Variants in TK2 observed in about 807,000 individuals in gnomAD.
The protein encoded by TK2 is thymidine kinase 2, mitochondrial.
Under a neutral mutation model 41.9 loss-of-function variants are expected in TK2, and 35 were observed. That is an observed-to-expected ratio of 0.84 (90% confidence interval 0.64 to 1.11). The LOEUF is 1.11. Among genes scored for constraint, TK2 ranks in the 50% least tolerant of loss-of-function variants. TK2 has a pLI of 0.00. For synonymous variants in TK2, 128 were observed against 129.1 expected (o/e 0.99, Z 0.06); for missense variants, 320 against 351.1 (o/e 0.91, Z 0.71).
At chr16:66,530,775 T>C (rs1230480362) in intron 5 of TK2, among the ~76,000 whole-genome samples, 2 of 151,218 alleles carry the variant, frequency 1.3e-5, no homozygotes, top group African/African-American at 4.9e-5. Context: ...TGGAGTGCAG[T>C]GGTATGATCT....
chr16:66,541,427 G>T (rs1376987597), intron 3 of TK2, among the ~76,000 whole-genome samples: 1 of 152,036 alleles, frequency 6.6e-6, no homozygotes, highest in Admixed American at 6.6e-5. Context: ...TTTTTTGTGG[G>T]TTTTTTTCTT....
At chr16:66,516,305 C>T (rs1260969923) in intron 8 of TK2, among the ~76,000 whole-genome samples, 1 of 152,170 alleles carries the variant, frequency 6.6e-6, no homozygotes, top group Non-Finnish European at 1.5e-5. Context: ...TGCATAACTC[C>T]ACTGTGTATG....
At position 66,511,740 on chromosome 16, in the gene TK2, G is replaced by A. The variant is rs908211839; in HGVS notation, c.*228C>T. The A allele has an allele frequency of 2.0e-5, 12 of 599,624 alleles. No individual in the cohort carries two copies. The African/African-American group carries it at 2.2e-4, about 11-fold the overall frequency. The allele number at this position is 599,624 out of a possible 1,614,324, so 37.1% of individuals were successfully genotyped here. On this transcript the variant is annotated 3_prime_UTR_variant, in exon 10 of 10. Coordinates refer to ENST00000544898, the MANE Select transcript of TK2 (RefSeq NM_004614.5). The stretch of plus-strand genomic sequence containing the variant: ...TGGGAGAGGCACCGGGGGAATGTGA[G>A]GCTGCGAACAGCAAAGGGCTTGGCA...
intron 6 of TK2, among the ~76,000 whole-genome samples, chr16:66,523,092 A>G (rs1028210274): frequency 6.6e-6 from 1 of 152,096 alleles, no homozygotes; most frequent in Non-Finnish European, 1.5e-5. Flanking sequence ...AAGAAATTTT[A>G]CTTCGAGGAG....
intron 2 of TK2, among the ~76,000 whole-genome samples, chr16:66,544,461 C>A (rs1965545607): frequency 6.6e-6 from 1 of 152,202 alleles, no homozygotes. Context: ...CATCTTTGAG[C>A]ACGTTTCAAC....
chr16:66,537,887 G>A (rs1965335627), intron 3 of TK2, among the ~76,000 whole-genome samples: 1 of 152,216 alleles, frequency 6.6e-6, no homozygotes, highest in Non-Finnish European at 1.5e-5. Flanking sequence ...CCCTGGCTGG[G>A]TGCAGTGGCT....
intron 2 of TK2, 66 bp downstream of exon 2, chr16:66,548,912 C>CTTT (rs1192694839): frequency 1.3e-6 from 2 of 1,500,272 alleles, no homozygotes; most frequent in Admixed American, 3.5e-5. Context: ...TTTTACTCTG[C>CTTT]TTTTTTCTCT....
intron 6 of TK2, among the ~76,000 whole-genome samples, chr16:66,525,989 C>G (rs1474773830): frequency 2.0e-5 from 3 of 152,214 alleles, no homozygotes; most frequent in Non-Finnish European, 4.4e-5. Flanking sequence ...GTCATCTAGA[C>G]CAATGCCGTA....
chr16:66,534,493 A>G (rs1965217366), intron 4 of TK2, among the ~76,000 whole-genome samples: 1 of 152,238 alleles, frequency 6.6e-6, no homozygotes, highest in African/African-American at 2.4e-5. Flanking sequence ...AACCCTTATC[A>G]TGGCCCACAA....
At chr16:66,530,077 T>G (rs897919874) in intron 5 of TK2, among the ~76,000 whole-genome samples, 4 of 152,234 alleles carry the variant, frequency 2.6e-5, no homozygotes, top group African/African-American at 9.6e-5. Flanking sequence ...AAAGGCAAAA[T>G]GCACTAACCT....
chr16:66,541,426 G>A (rs1414416290), intron 3 of TK2, among the ~76,000 whole-genome samples: 1 of 152,036 alleles, frequency 6.6e-6, no homozygotes, highest in Non-Finnish European at 1.5e-5. Flanking sequence ...ATTTTTTGTG[G>A]GTTTTTTTCT....
chr16:66,529,758 C>G (rs1019009816), intron 5 of TK2, among the ~76,000 whole-genome samples: 1 of 152,210 alleles, frequency 6.6e-6, no homozygotes, highest in Non-Finnish European at 1.5e-5. Context: ...CCTGGGCCAA[C>G]AAATCCAAGG....
intron 5 of TK2, 62 bp from the exon 6 acceptor site, chr16:66,529,129 G>A: frequency 6.7e-7 from 1 of 1,503,290 alleles, no homozygotes; most frequent in African/African-American, 1.4e-5. Context: ...AGGAGGCCTT[G>A]AGAAATGTCT....
In TK2 at chr16:66,548,956, T is replaced by C. The variant is rs369705513; in HGVS notation, c.156+22A>G. The stretch of plus-strand genomic sequence containing the variant: ...CAAAAAACCAAATTATCCTAGAGAG[T>C]ACACATAAAAGAGGGACTTACCACT... On this transcript the variant is annotated intron_variant, in intron 2 of 9. Coordinates refer to ENST00000544898, the MANE Select transcript of TK2 (RefSeq NM_004614.5). The C allele has an allele frequency of 3.9e-5, 63 of 1,607,198 alleles. No homozygotes were observed. In the African/African-American group the frequency reaches 7.6e-4, roughly 19 times the overall value.
chr16:66,531,365 G>A lies in TK2; in HGVS notation c.375+15C>T. 1 of 1,612,740 alleles carries A rather than the reference G, an allele frequency of 6.2e-7. No homozygotes were observed. Among genetic ancestry groups the A allele is most frequent in the Non-Finnish European group, 8.5e-7 (1 of 1,178,722 alleles). ...AAACGTTTAAGAAGGCTGAAACTGA[G>A]CATCTGAAACCTACCTGAGGACGAG... On this transcript the variant is annotated intron_variant, in intron 5 of 9. Coordinates refer to ENST00000544898, the MANE Select transcript of TK2 (RefSeq NM_004614.5).
chr16:66,536,847 T>C, intron 4 of TK2, 117 bp downstream of exon 4: 1 of 1,277,162 alleles, frequency 7.8e-7, no homozygotes, highest in Non-Finnish European at 1.1e-6. Flanking sequence ...CCTGGTCTTC[T>C]CCAACTCAGT....
intron 2 of TK2, among the ~76,000 whole-genome samples, chr16:66,545,906 C>T (rs999473143): frequency 2.6e-5 from 4 of 151,998 alleles, no homozygotes; most frequent in African/African-American, 4.8e-5. Context: ...TTATATGGAA[C>T]GTCCAGAAAA....
At position 66,514,559 on chromosome 16, in the gene TK2, A is replaced by C. The variant is rs1395934907; in HGVS notation, c.619-748T>G. The stretch of plus-strand genomic sequence containing the variant: ...CTGCCACCCCGTCTAGGAAGTGAGG[A>C]GTGTCTCTGCCTGGCCGCCCATCGT... On this transcript the variant is annotated intron_variant, in intron 8 of 9. Transcript: ENST00000544898. This position sits in a 1 kb window ranked among gnomAD's most constrained non-coding sequence, Gnocchi z 4.2. Among the ~76,000 whole-genome samples, 2 of 151,734 alleles carry C rather than the reference A, an allele frequency of 1.3e-5. No individual in the cohort carries two copies. The highest frequency in any genetic ancestry group is 4.8e-5 in the African/African-American group (2 of 41,302).
chr16:66,549,884 G>A, intron 1 of TK2, 54 bp downstream of exon 1: 1 of 1,305,182 alleles, frequency 7.7e-7, no homozygotes, highest in Non-Finnish European at 9.7e-7. Context: ...CGAGGGGCCG[G>A]GAGTAGGTGG....
Sources: allele counts gnomAD v4.1 joint callset (sites outside exome capture counted in the v4.1 genomes callset), GRCh38; gene constraint gnomAD v4.1.1; non-coding constraint Gnocchi (gnomAD v3.1); transcripts MANE v1.5; gene names NCBI Gene and HGNC (gene_info 2026-07-23, HGNC 2026-07-21).